The following NUDC variants were observed in gnomAD, a reference collection of about 807,000 sequenced individuals.
NUDC encodes the protein nuclear migration protein nudC.
Under a neutral mutation model 45.0 loss-of-function variants are expected in NUDC, and 14 were observed. That is an observed-to-expected ratio of 0.31 (90% CI 0.21 to 0.49). NUDC has a LOEUF of 0.49. NUDC is among the 20% of genes least tolerant of loss of function. The pLI, the probability that NUDC is intolerant of heterozygous loss-of-function variation, is 0.99. For synonymous variants in NUDC, 153 were observed against 156.7 expected (o/e 0.98, Z 0.17); for missense variants, 323 against 426.2 (o/e 0.76, Z 2.13).
intron 4 of NUDC, among the ~76,000 whole-genome samples, chr1:26,942,165 G>A (rs985935929): frequency 1.4e-4 from 22 of 152,090 alleles, no homozygotes; most frequent in East Asian, 5.8e-4. Flanking sequence ...GGTGGTGGGC[G>A]CCCGTAATCC....
chr1:26,945,511 G>A (rs1208433605), intron 7 of NUDC, 38 bp downstream of exon 7: 3 of 1,611,920 alleles, frequency 1.9e-6, no homozygotes, highest in African/African-American at 2.7e-5. Context: ...CAGCAGGAAG[G>A]TGAGGGGCCT....
chr1:26,946,438 C>G lies in NUDC; in HGVS notation c.*257C>G. 1.9e-6 allele frequency: 1 copy of G among 525,648 alleles called. No individual in the cohort carries two copies. Among genetic ancestry groups the G allele is most frequent in the Non-Finnish European group, 3.4e-6 (1 of 290,440 alleles). 32.6% of individuals were successfully genotyped at this position (525,648 alleles called of 1,614,324 possible). A position where few individuals can be genotyped will look rare whatever the true frequency, so the allele number is the denominator to read the frequency against. ...TTGCCTCTGGCCTTTCTCTGGGGCA[C>G]AGGCCTCTTACGGCTGCTGCTGGGA... On this transcript the variant is annotated 3_prime_UTR_variant, in exon 9 of 9. Coordinates refer to ENST00000321265, the MANE Select transcript of NUDC (RefSeq NM_006600.4).
chr1:26,933,249 A>G (rs994145542), intron 2 of NUDC, among the ~76,000 whole-genome samples: 3 of 150,270 alleles, frequency 2.0e-5, no homozygotes, highest in Non-Finnish European at 4.4e-5. Context: ...TTTTTTTTTA[A>G]ATCTATTCTT....
chr1:26,904,184 C>CT (rs55759997), intron 2 of NUDC, among the ~76,000 whole-genome samples: 4,104 of 137,146 alleles, frequency 0.03, 67 homozygotes, highest in African/African-American at 0.048. Context: ...TTATTACATA[C>CT]TTTTTTTTTT....
intron 4 of NUDC, among the ~76,000 whole-genome samples, chr1:26,942,309 C>T (rs994515484): frequency 6.6e-6 from 1 of 152,200 alleles, no homozygotes; most frequent in African/African-American, 2.4e-5. Context: ...AAAATAAAAA[C>T]CGACTGACCT....
At chr1:26,937,559 C>T (rs1007294380) in intron 2 of NUDC, among the ~76,000 whole-genome samples, 8 of 151,482 alleles carry the variant, frequency 5.3e-5, no homozygotes, top group African/African-American at 1.5e-4. Flanking sequence ...CTGGGATTAC[C>T]GGTATGAGCC....
intron 2 of NUDC, among the ~76,000 whole-genome samples, chr1:26,938,843 A>C (rs1305459676): frequency 6.6e-6 from 1 of 152,186 alleles, no homozygotes; most frequent in African/African-American, 2.4e-5. Context: ...GCACATGCAC[A>C]CTGTGTATGG....
At chr1:26,926,205 A>G (rs2082131447) in intron 2 of NUDC, among the ~76,000 whole-genome samples, 1 of 151,880 alleles carries the variant, frequency 6.6e-6, no homozygotes, top group African/African-American at 2.4e-5. Context: ...ATAGACATAA[A>G]CAAGAGACAT....
rs772627400 is a variant in NUDC, at chr1:26,912,047, A to G, written c.93+812A>G. 6 of 1,614,112 alleles carry G rather than the reference A, an allele frequency of 3.7e-6. No individual in the cohort carries two copies. In the South Asian group the frequency reaches 5.5e-5, roughly 15 times the overall value. ...CAGCACCCAGTGAGCCTCCTGCTGC[A>G]GGTGCCCAATGTGGGAGGCGGCTTG... On this transcript the variant is annotated intron_variant, in intron 3 of 6. Coordinates refer to the NUDC transcript ENST00000435827.
At chr1:26,930,355 A>C (rs1414330494) in intron 2 of NUDC, among the ~76,000 whole-genome samples, 1 of 152,078 alleles carries the variant, frequency 6.6e-6, no homozygotes, top group Non-Finnish European at 1.5e-5. Context: ...TTTTTTGTAG[A>C]GTGGGGGTTT....
At chr1:26,906,220 G>A (rs984902916) in intron 2 of NUDC, among the ~76,000 whole-genome samples, 20 of 151,916 alleles carry the variant, frequency 1.3e-4, no homozygotes, top group African/African-American at 4.4e-4. Context: ...TGGAGGTTGC[G>A]GTGAGCTGAG....
At chr1:26,925,818 T>C (rs1358224149) in intron 2 of NUDC, among the ~76,000 whole-genome samples, 1 of 147,376 alleles carries the variant, frequency 6.8e-6, no homozygotes, top group African/African-American at 2.5e-5. Flanking sequence ...GCCTTGCGAG[T>C]TCAAGCAATT....
intron 1 of NUDC, chr1:26,900,559 G>T: frequency 1.2e-6 from 1 of 804,734 alleles, no homozygotes; most frequent in Non-Finnish European, 1.9e-6. Flanking sequence ...GATTGGGGTT[G>T]TGGAACCTGG....
chr1:26,916,124 C>A (rs140304596), intron 3 of NUDC, among the ~76,000 whole-genome samples: 6 of 151,982 alleles, frequency 3.9e-5, no homozygotes, highest in African/African-American at 1.5e-4. Context: ...CGGTGGCTCA[C>A]GCCTGTAATC....
At position 26,941,562 on chromosome 1, in the gene NUDC, G is replaced by A; in HGVS notation, c.265G>A (p.Ala89Thr). 6.2e-7 allele frequency: 1 copy of A among 1,611,048 alleles called. No individual in the cohort carries two copies. Among genetic ancestry groups the A allele is most frequent in the Non-Finnish European group, 8.5e-7 (1 of 1,178,928 alleles). The change falls in exon 3 of 9, where the codon GCC (alanine) becomes ACC (threonine). Residue 89 changes from alanine (A) to threonine (T), a missense_variant. Ala to Thr is a moderately conservative substitution (Grantham distance 58, BLOSUM62 0). Transcript: ENST00000321265. ...GCGGCGGGAGAAGGCGGAGCGGGCG[G>A]CCAGACTGGCCAAGGAAGCCAAGTC... Reference protein sequence around the residue: ...AERREKAERAARLAKEAKSET... With the variant: ...AERREKAERATRLAKEAKSET...
At chr1:26,922,035 T>C in intron 1 of NUDC, 106 bp downstream of exon 1, 2 of 1,176,232 alleles carry the variant, frequency 1.7e-6, no homozygotes, top group Non-Finnish European at 1.2e-6. Flanking sequence ...CGCGGGCTTC[T>C]GGGATGCCCC....
intron 2 of NUDC, among the ~76,000 whole-genome samples, chr1:26,910,899 G>A (rs1028332234): frequency 8.5e-5 from 13 of 152,194 alleles, no homozygotes; most frequent in Non-Finnish European, 1.8e-4. Context: ...CCCAGGAGAG[G>A]GGCTGGGGCA....
chr1:26,924,382 G>A (rs563421826), intron 2 of NUDC, among the ~76,000 whole-genome samples: 104 of 152,244 alleles, frequency 6.8e-4, no homozygotes, highest in African/African-American at 2.2e-3. Context: ...TTCTACAAGA[G>A]GGGCAGGTGT....
chr1:26,925,979 C>G (rs573716569), intron 2 of NUDC, among the ~76,000 whole-genome samples: 1 of 151,990 alleles, frequency 6.6e-6, no homozygotes, highest in East Asian at 1.9e-4. Context: ...GCCTTGGCCT[C>G]CCGAAGTGCT....
Sources: allele counts gnomAD v4.1 joint callset (sites outside exome capture counted in the v4.1 genomes callset), GRCh38; gene constraint gnomAD v4.1.1; transcripts MANE v1.5; gene names NCBI Gene and HGNC (gene_info 2026-07-23, HGNC 2026-07-21).